The following SORCS2 variants were observed in gnomAD, a reference collection of about 807,000 sequenced individuals.
SORCS2 encodes the protein VPS10 domain-containing receptor SorCS2.
In SORCS2, 100 loss-of-function variants were observed where a neutral mutation model predicts 141.6. The ratio of observed to expected loss-of-function variants is 0.71; its 90% CI spans 0.60 to 0.83. SORCS2 has a LOEUF of 0.83. Ranked by LOEUF, SORCS2 falls within the 40% of genes least tolerant of loss-of-function variation. The probability of loss-of-function intolerance (pLI) is 0.00; values close to 1 mark genes in which losing one functional copy is unlikely to be tolerated. For synonymous variants in SORCS2, 789 were observed against 676.9 expected (o/e 1.17, Z -2.57); for missense variants, 1,646 against 1,560.2 (o/e 1.05, Z -0.93).
At chr4:7,336,166 G>A (rs1351520111) in intron 1 of SORCS2, among the ~76,000 whole-genome samples, 4 of 152,230 alleles carry the variant, frequency 2.6e-5, no homozygotes, top group Non-Finnish European at 5.9e-5. Flanking sequence ...GATAGCTGAG[G>A]CCCCGCTGCC....
At chr4:7,373,478 A>ATATATATATATATATATAT (rs1470691140) in intron 1 of SORCS2, among the ~76,000 whole-genome samples, 1 of 36,826 alleles carries the variant, frequency 2.7e-5, no homozygotes, top group Non-Finnish European at 4.1e-5. Flanking sequence ...ATATATATAT[A>ATATATATATATATATATAT]TTTTTTTTTT....
intron 1 of SORCS2, among the ~76,000 whole-genome samples, chr4:7,301,619 G>T (rs1362179366): frequency 6.6e-6 from 1 of 152,258 alleles, no homozygotes; most frequent in Non-Finnish European, 1.5e-5. Flanking sequence ...CCTGCTGCCA[G>T]CTGGAAGCCG....
At chr4:7,658,098 A>G (rs901409368) in intron 5 of SORCS2, among the ~76,000 whole-genome samples, 5 of 151,324 alleles carry the variant, frequency 3.3e-5, no homozygotes, top group Non-Finnish European at 7.4e-5. Context: ...TGAATGAGCG[A>G]GTGGGTAAGT....
At chr4:7,313,192 C>T (rs796087825) in intron 1 of SORCS2, among the ~76,000 whole-genome samples, 33 of 152,362 alleles carry the variant, frequency 2.2e-4, no homozygotes, top group African/African-American at 3.6e-4. Flanking sequence ...TGTGCACCAA[C>T]GTGTAGGAAA....
At chr4:7,500,229 G>T (rs1003625253) in intron 2 of SORCS2, among the ~76,000 whole-genome samples, 25 of 152,222 alleles carry the variant, frequency 1.6e-4, no homozygotes, top group African/African-American at 5.3e-4. Flanking sequence ...GCCTGCCCGT[G>T]GAGCCCCCGG....
rs144809927 is a variant in SORCS2, at chr4:7,700,928, C to G, written c.1669-2352C>G. Among the ~76,000 whole-genome samples the G allele has an allele frequency of 1.3e-4, 20 of 152,360 alleles. No homozygotes were observed. The East Asian group carries it at 3.9e-3, about 29-fold the overall frequency. ...CAGTCACCAGCTGTGTGGCTTCAGG[C>G]AAGTCACTGTGTCTCTGAGCCTCAG... On this transcript the variant is annotated intron_variant, in intron 12 of 26. Coordinates refer to ENST00000507866, the MANE Select transcript of SORCS2 (RefSeq NM_020777.3).
At chr4:7,504,074 C>T (rs1480440384) in intron 2 of SORCS2, among the ~76,000 whole-genome samples, 1 of 152,190 alleles carries the variant, frequency 6.6e-6, no homozygotes, top group Non-Finnish European at 1.5e-5. Flanking sequence ...ACAGGCCTCA[C>T]CCTGGTCACT....
intron 1 of SORCS2, among the ~76,000 whole-genome samples, chr4:7,279,524 A>G (rs1298913034): frequency 6.6e-6 from 1 of 152,212 alleles, no homozygotes; most frequent in Non-Finnish European, 1.5e-5. Context: ...CTCAAAATGC[A>G]GTTTGATGGC....
intron 12 of SORCS2, 100 bp from the exon 13 acceptor site, chr4:7,703,180 C>T (rs537053573): frequency 1.5e-5 from 14 of 925,614 alleles, no homozygotes; most frequent in South Asian, 1.2e-4. Context: ...CAACAACCCC[C>T]GGCTGCACAT....
chr4:7,523,231 G>T (rs28630578), intron 2 of SORCS2, among the ~76,000 whole-genome samples: 6 of 152,102 alleles, frequency 3.9e-5, no homozygotes, highest in Non-Finnish European at 7.3e-5. Flanking sequence ...CACTAGGACC[G>T]CTAAGGAAGA....
At chr4:7,699,389 C>T (rs1724911637) in intron 12 of SORCS2, among the ~76,000 whole-genome samples, 1 of 152,214 alleles carries the variant, frequency 6.6e-6, no homozygotes, top group Admixed American at 6.5e-5. Context: ...GTGGATGCAG[C>T]ATCGCCCTCC....
intron 2 of SORCS2, among the ~76,000 whole-genome samples, chr4:7,482,190 G>A (rs1193634679): frequency 2.0e-5 from 1 of 50,296 alleles, no homozygotes; most frequent in African/African-American, 9.1e-5. Context: ...TCCCCACTGC[G>A]GACACCCCTG....
intron 2 of SORCS2, among the ~76,000 whole-genome samples, chr4:7,503,322 T>G (rs1268865605): frequency 2.0e-5 from 3 of 152,128 alleles, no homozygotes; most frequent in African/African-American, 7.2e-5. Context: ...TAGAAATGAG[T>G]AACAGAGTTG....
At chr4:7,388,149 C>A (rs1046393559) in intron 1 of SORCS2, among the ~76,000 whole-genome samples, 3 of 132,046 alleles carry the variant, frequency 2.3e-5, no homozygotes, top group Non-Finnish European at 4.9e-5. Flanking sequence ...CACATGCGCA[C>A]AGATGCCCCC....
At chr4:7,263,818 G>A (rs181301699) in intron 1 of SORCS2, among the ~76,000 whole-genome samples, 189 of 152,314 alleles carry the variant, frequency 1.2e-3, no homozygotes, top group Non-Finnish European at 2.3e-3. Flanking sequence ...TGCCTTCATG[G>A]TCAAGTTCCA....
At chr4:7,596,211 T>C (rs550655308) in intron 3 of SORCS2, among the ~76,000 whole-genome samples, 36 of 152,310 alleles carry the variant, frequency 2.4e-4, no homozygotes, top group African/African-American at 8.4e-4. Flanking sequence ...TATAGAGATA[T>C]GCAATCTAGG....
intron 3 of SORCS2, among the ~76,000 whole-genome samples, chr4:7,575,956 T>C (rs946247775): frequency 9.9e-5 from 15 of 152,192 alleles, no homozygotes; most frequent in Non-Finnish European, 2.1e-4. Context: ...AATTAAGAAA[T>C]TAGTTTTTTG....
chr4:7,207,559 T>G (rs969738314), intron 1 of SORCS2, among the ~76,000 whole-genome samples: 3 of 152,176 alleles, frequency 2.0e-5, no homozygotes, highest in African/African-American at 7.2e-5. Context: ...TCATCTGCAC[T>G]GGGGCTGGCA....
intron 4 of SORCS2, among the ~76,000 whole-genome samples, chr4:7,641,161 C>G (rs899832897): frequency 2.0e-5 from 3 of 152,178 alleles, no homozygotes; most frequent in Non-Finnish European, 4.4e-5. Flanking sequence ...ACACTGATCA[C>G]AATGGGTATC....
Sources: gnomAD v4.1 joint callset for allele counts (sites outside exome capture counted in the v4.1 genomes callset) on GRCh38, gnomAD v4.1.1 for gene constraint, MANE v1.5 for transcripts, NCBI Gene and HGNC (gene_info 2026-07-23, HGNC 2026-07-21) for gene names.